The following ZFP90 variants were observed in gnomAD, a reference collection of about 807,000 sequenced individuals.
The protein encoded by ZFP90 is zinc finger protein 90 homolog.
In ZFP90, 38 loss-of-function variants were observed where a neutral mutation model predicts 60.8. The observed-to-expected ratio is 0.62, with a 90% CI of 0.48 to 0.82. The LOEUF (loss-of-function observed/expected upper bound fraction) is 0.82. Among genes scored for constraint, ZFP90 ranks in the 40% least tolerant of loss-of-function variants. ZFP90 has a pLI of 0.00. For synonymous variants in ZFP90, 287 were observed against 264.8 expected, an observed-to-expected ratio of 1.08 and a Z score of -0.82; for missense variants, 711 against 759.1, an observed-to-expected ratio of 0.94 and a Z score of 0.74.
downstream of ZFP90, chr16:68,567,266 ACTT>A (rs1418931501): frequency 1.6e-6 from 1 of 625,212 alleles, no homozygotes; most frequent in Admixed American, 6.3e-5. Context: ...AATGCTTACT[ACTT>A]TAAAGACATT....
At chr16:68,547,132 T>C (rs1035901110) in intron 2 of ZFP90, among the ~76,000 whole-genome samples, 1 of 152,202 alleles carries the variant, frequency 6.6e-6, no homozygotes, top group East Asian at 1.9e-4. Context: ...TTTGGTTATA[T>C]ACCCAGAGAG....
At chr16:68,558,642 C>T (rs1287555444) in intron 4 of ZFP90, 74 bp downstream of exon 4, 1 of 1,362,898 alleles carries the variant, frequency 7.3e-7, no homozygotes, top group East Asian at 2.3e-5. Flanking sequence ...AGATACCCTC[C>T]AGCAGCTGGC....
chr16:68,571,431 G>T (rs547999878), downstream of ZFP90, among the ~76,000 whole-genome samples: 1 of 152,312 alleles, frequency 6.6e-6, no homozygotes, highest in East Asian at 1.9e-4. Context: ...TTCGTTGTAT[G>T]TGCCTCTGTG....
chr16:68,534,875 C>T (rs573949515), upstream of ZFP90, among the ~76,000 whole-genome samples: 143 of 152,006 alleles, frequency 9.4e-4, 1 homozygote, highest in African/African-American at 3.3e-3. Context: ...CCACTGTACT[C>T]CAGCCTGGGT....
chr16:68,567,787 A>T (rs562202136), downstream of ZFP90, among the ~76,000 whole-genome samples: 9 of 152,332 alleles, frequency 5.9e-5, no homozygotes, highest in South Asian at 1.9e-3. Context: ...GAAACCTAAA[A>T]TATGTATGAT....
intron 4 of ZFP90, 45 bp downstream of exon 4, chr16:68,558,613 G>A: frequency 1.3e-6 from 2 of 1,547,896 alleles, no homozygotes; most frequent in Non-Finnish European, 8.9e-7. Flanking sequence ...GCAGTTAATG[G>A]CACAACTTAG....
rs368755515 is a variant in ZFP90 at position 68,552,625 on chromosome 16, T to C, written c.34-5373T>C. Reference sequence around the variant, plus strand: ...TGGTTTCAAGGAGCTGTAACTCTTCTGCATGGCCAAATGTTAGTGTCTGAG... The same window carrying C: ...TGGTTTCAAGGAGCTGTAACTCTTCCGCATGGCCAAATGTTAGTGTCTGAG... On this transcript the variant is annotated intron_variant, in intron 2 of 4. Coordinates refer to ENST00000563169, the MANE Select transcript of ZFP90 (RefSeq NM_001305203.2). 1.2e-3 allele frequency among the ~76,000 whole-genome samples: 178 copies of C among 152,280 alleles called. 1 individual carries two copies. The South Asian group carries it at 0.036, about 31-fold the overall frequency.
Position 68,539,762 on chromosome 16 carries a change from T to C in ZFP90, c.-31T>C, listed in dbSNP as rs1412197886. 1.9e-6 allele frequency: 3 copies of C among 1,567,972 alleles called. No homozygotes were observed. The highest frequency in any genetic ancestry group is 1.3e-5 in the African/African-American group (1 of 74,260). On this transcript the variant is annotated 5_prime_UTR_variant, in exon 2 of 5. Transcript: ENST00000563169. The stretch of plus-strand genomic sequence containing the variant: ...GGCCCTGTCCTTTCTCCCCAGCTCC[T>C]GCCCCGGAGCCGGGCCCTGGCGAGG...
In ZFP90 at chr16:68,563,487, A is replaced by G. The variant is rs761485902; in HGVS notation, c.700A>G (p.Lys234Glu). The G allele has an allele frequency of 3.7e-6, 6 of 1,614,112 alleles. No homozygotes were observed. The Admixed American group carries it at 1.0e-4, about 27-fold the overall frequency. The change falls in exon 5 of 5, where the codon AAA becomes GAA. Residue 234 changes from lysine (K) to glutamate (E), a missense_variant. Physicochemically the swap from Lys to Glu is moderately conservative, Grantham distance 56. Transcript: ENST00000563169. Reference sequence around the variant, plus strand: ...GCTTACTAAACATGAGAAAACACATAAAGGAGAGGGAGCTTTCCCTAATGG... The same window carrying G: ...GCTTACTAAACATGAGAAAACACATGAAGGAGAGGGAGCTTTCCCTAATGG... ...SSLTKHEKTH[K>E]GEGAFPNGTD...
At chr16:68,551,919 C>T (rs762840623) in intron 2 of ZFP90, among the ~76,000 whole-genome samples, 13 of 151,834 alleles carry the variant, frequency 8.6e-5, no homozygotes, top group African/African-American at 3.1e-4. Context: ...CCACCGTGCC[C>T]GGTTAATTTT....
At chr16:68,568,220 C>T (rs1040110726), downstream of ZFP90, among the ~76,000 whole-genome samples, 6 of 152,084 alleles carry the variant, frequency 3.9e-5, no homozygotes, top group Admixed American at 1.3e-4. Context: ...TAATTAATGC[C>T]AGGCATATGG....
rs554639561 is a variant in ZFP90, at chr16:68,575,810, G to T, written c.243G>T (p.Pro81=). Residue 81 remains proline, a synonymous_variant, in exon 3 of 3, where the codon CCG becomes CCT. Transcript: ENST00000573113. ...GCCTAGGATTTGTCTGCCTCCTGCC[G>T]CTGTCGCTACCATCTGGGAGTAAGG... is the stretch of plus-strand genomic sequence containing the variant. 1.0e-5 allele frequency: 4 copies of T among 398,266 alleles called. No homozygotes were observed. In the East Asian group the frequency reaches 1.4e-4, roughly 14 times the overall value. 24.7% of individuals were successfully genotyped at this position (398,266 alleles called of 1,614,324 possible). A position where few individuals can be genotyped will look rare whatever the true frequency, so the allele number is the denominator to read the frequency against.
At chr16:68,534,013 C>G (rs2090943929) in intron 2 of ZFP90, among the ~76,000 whole-genome samples, 1 of 152,034 alleles carries the variant, frequency 6.6e-6, no homozygotes, top group African/African-American at 2.4e-5. Context: ...AAATTTTCAG[C>G]CTTTATCTTC....
intron 2 of ZFP90, among the ~76,000 whole-genome samples, chr16:68,540,809 A>AAAG (rs147049324): frequency 0.09 from 1,426 of 15,862 alleles, 54 homozygotes; most frequent in South Asian, 0.2. Context: ...CCGTCTCTGC[A>AAAG]AAAAAAAAAA....
intron 2 of ZFP90, among the ~76,000 whole-genome samples, chr16:68,545,134 C>T (rs982591706): frequency 2.0e-5 from 3 of 151,944 alleles, no homozygotes; most frequent in South Asian, 4.2e-4. Flanking sequence ...CCGCCTCGGC[C>T]GCCCAAAGTG....
Position 68,565,436 on chromosome 16 carries a change from C to T in ZFP90, c.*738C>T. ...GAATTCTTAAAAGTATAAGTGGGAG[C>T]AAAATGTATGCAAATTTATCACAAA... is the stretch of plus-strand genomic sequence containing the variant. On this transcript the variant is annotated 3_prime_UTR_variant, in exon 5 of 5. Transcript: ENST00000563169. The T allele has an allele frequency of 2.0e-6, 2 of 985,556 alleles. No individual in the cohort carries two copies. Among genetic ancestry groups the T allele is most frequent in the Non-Finnish European group, 2.4e-6 (2 of 829,938 alleles). The allele number at this position is 985,556 out of a possible 1,614,324, so 61.1% of individuals were successfully genotyped here.
Position 68,563,384 on chromosome 16 carries a change from T to G in ZFP90, c.597T>G (p.Leu199=). The change falls in exon 5 of 5, where the codon CTT becomes CTG. Residue 199 remains leucine, a synonymous_variant. Coordinates refer to ENST00000563169, the MANE Select transcript of ZFP90 (RefSeq NM_001305203.2). The stretch of plus-strand genomic sequence containing the variant: ...ATTTGGGACATAATGCAGACTTACT[T>G]AATGAGAATAATATTCTTGCAAAAA... ...GSNLGHNADL[L]NENNILAKKK... 4.3e-6 allele frequency: 7 copies of G among 1,613,794 alleles called. No individual in the cohort carries two copies. The highest frequency in any genetic ancestry group is 5.9e-6 in the Non-Finnish European group (7 of 1,179,960).
At chr16:68,539,267 G>C (rs1458574708), upstream of ZFP90, 3 of 154,418 alleles carry the variant, frequency 1.9e-5, no homozygotes, top group Non-Finnish European at 4.3e-5. Context: ...GGTTGCAGGA[G>C]CGAGGCTCCG....
At chr16:68,551,410 T>G (rs1024402544) in intron 2 of ZFP90, among the ~76,000 whole-genome samples, 18 of 134,120 alleles carry the variant, frequency 1.3e-4, no homozygotes, top group Non-Finnish European at 2.6e-4. Flanking sequence ...AGGGAACATG[T>G]GATCCTTTTT....
Sources: allele counts gnomAD v4.1 joint callset (sites outside exome capture counted in the v4.1 genomes callset), GRCh38; gene constraint gnomAD v4.1.1; transcripts MANE v1.5; gene names NCBI Gene and HGNC (gene_info 2026-07-23, HGNC 2026-07-21).